Variants in TLL2 observed in about 807,000 individuals in gnomAD.
The protein encoded by TLL2 is tolloid like 2, also known as tolloid-like protein 2.
In TLL2, 106 loss-of-function variants were observed where a neutral mutation model predicts 123.0. That is an observed-to-expected ratio of 0.86 (90% confidence interval 0.74 to 1.01). The LOEUF (loss-of-function observed/expected upper bound fraction) is 1.01, where lower values mean the gene tolerates loss of function less well. Among genes scored for constraint, TLL2 ranks in the 50% least tolerant of loss-of-function variants. TLL2 has a pLI of 0.00. For synonymous variants in TLL2, 494 were observed against 516.8 expected, an observed-to-expected ratio of 0.96 and a Z score of 0.60; for missense variants, 1,332 against 1,336.7, an observed-to-expected ratio of 1.00 and a Z score of 0.06.
At chr10:96,500,601 C>T (rs1170779837) in intron 1 of TLL2, among the ~76,000 whole-genome samples, 1 of 152,164 alleles carries the variant, frequency 6.6e-6, no homozygotes, top group East Asian at 1.9e-4. Flanking sequence ...CGGGACCAGC[C>T]TAGGCAAAAT....
intron 1 of TLL2, among the ~76,000 whole-genome samples, chr10:96,505,416 C>T (rs545990184): frequency 1.3e-5 from 2 of 152,316 alleles, no homozygotes; most frequent in East Asian, 3.9e-4. Flanking sequence ...AGTTTCCTGC[C>T]ACTTGGAAAC....
intron 2 of TLL2, among the ~76,000 whole-genome samples, chr10:96,470,732 A>G (rs7070439): frequency 0.77 from 116,430 of 152,190 alleles, 44,708 homozygotes; most frequent in East Asian, 0.91. Flanking sequence ...GATTAGCTGT[A>G]TGCTCACCAA....
intron 2 of TLL2, among the ~76,000 whole-genome samples, chr10:96,454,875 T>C (rs1013285568): frequency 1.3e-5 from 2 of 152,164 alleles, no homozygotes; most frequent in African/African-American, 4.8e-5. Flanking sequence ...ATTTTATACC[T>C]GAAGCACCAC....
At chr10:96,369,941 GCCT>G in intron 20 of TLL2, 121 bp downstream of exon 20, 1 of 1,339,846 alleles carries the variant, frequency 7.5e-7, no homozygotes, top group Non-Finnish European at 9.9e-7. Context: ...TGCAGAACGT[GCCT>G]CCTCGCCGTT....
intron 9 of TLL2, among the ~76,000 whole-genome samples, chr10:96,405,881 T>A (rs2134067961): frequency 6.6e-6 from 1 of 152,338 alleles, no homozygotes; most frequent in Admixed American, 6.5e-5. Context: ...GACCACCTTC[T>A]GAGTGTCAGC....
chr10:96,388,999 A>G (rs975875239), intron 13 of TLL2, among the ~76,000 whole-genome samples: 2 of 152,208 alleles, frequency 1.3e-5, no homozygotes, highest in Non-Finnish European at 2.9e-5. Flanking sequence ...AGTAATAAGT[A>G]TGCTAAAATA....
chr10:96,490,181 G>A (rs1023854670), intron 1 of TLL2, among the ~76,000 whole-genome samples: 3 of 152,174 alleles, frequency 2.0e-5, no homozygotes, highest in African/African-American at 7.2e-5. Flanking sequence ...ACTAAGTCAG[G>A]AAATGTAAAA....
At chr10:96,378,352 GGAA>G (rs1264601602) in intron 17 of TLL2, among the ~76,000 whole-genome samples, 19 of 152,224 alleles carry the variant, frequency 1.2e-4, no homozygotes, top group Admixed American at 8.5e-4. Context: ...AAGAACAGAA[GGAA>G]GGCTTTTTCC....
intron 20 of TLL2, among the ~76,000 whole-genome samples, chr10:96,369,139 G>A (rs902092610): frequency 1.3e-5 from 2 of 152,222 alleles, no homozygotes; most frequent in Non-Finnish European, 2.9e-5. Context: ...CAGAAAGGAG[G>A]GGGCTGGTGC....
chr10:96,426,414 T>C (rs1846678102), intron 5 of TLL2, among the ~76,000 whole-genome samples: 3 of 152,184 alleles, frequency 2.0e-5, no homozygotes, highest in African/African-American at 7.2e-5. Context: ...AGCAATGCCA[T>C]AACAGTTCCT....
At chr10:96,472,391 G>T (rs1269249997) in intron 2 of TLL2, among the ~76,000 whole-genome samples, 1 of 152,208 alleles carries the variant, frequency 6.6e-6, no homozygotes, top group Non-Finnish European at 1.5e-5. Flanking sequence ...AGGAAGCCAT[G>T]TCTACAAAGC....
At chr10:96,439,551 C>T (rs1846831063) in intron 3 of TLL2, among the ~76,000 whole-genome samples, 1 of 152,154 alleles carries the variant, frequency 6.6e-6, no homozygotes, top group Non-Finnish European at 1.5e-5. Flanking sequence ...TCTGAGGCTT[C>T]CTTCTGTGAG....
At chr10:96,465,602 C>T (rs1313370165) in intron 2 of TLL2, among the ~76,000 whole-genome samples, 1 of 152,222 alleles carries the variant, frequency 6.6e-6, no homozygotes, top group Non-Finnish European at 1.5e-5. Context: ...GCTCTAGGAT[C>T]CTCCTCCTTT....
At chr10:96,407,863 G>A (rs562331442) in intron 9 of TLL2, among the ~76,000 whole-genome samples, 2 of 121,390 alleles carry the variant, frequency 1.6e-5, no homozygotes, top group African/African-American at 7.7e-5. Flanking sequence ...GCATGCATGT[G>A]TGTGCGCACA....
intron 1 of TLL2, among the ~76,000 whole-genome samples, chr10:96,511,826 G>C (rs376310825): frequency 6.6e-6 from 1 of 152,210 alleles, no homozygotes; most frequent in Non-Finnish European, 1.5e-5. Context: ...GTCACACCCA[G>C]CAGGGTCTAG....
intron 13 of TLL2, among the ~76,000 whole-genome samples, chr10:96,388,874 G>T (rs1245558876): frequency 6.6e-6 from 1 of 152,218 alleles, no homozygotes; most frequent in Non-Finnish European, 1.5e-5. Context: ...TAATGGTGAT[G>T]TACTCTTGGG....
At chr10:96,395,841 G>GT (rs781182660) in intron 12 of TLL2, 34 bp downstream of exon 12, 2 of 1,606,598 alleles carry the variant, frequency 1.2e-6, no homozygotes, top group East Asian at 4.5e-5. Context: ...AAAAGTTGCC[G>GT]TTTCCTTGGG....
At chr10:96,441,926 T>C (rs1846854031) in intron 3 of TLL2, among the ~76,000 whole-genome samples, 1 of 152,158 alleles carries the variant, frequency 6.6e-6, no homozygotes, top group Non-Finnish European at 1.5e-5. Flanking sequence ...CAGATTCCAT[T>C]ATTATTTGCT....
chr10:96,446,012 G>A (rs1846894506), intron 3 of TLL2, 79 bp downstream of exon 3: 1 of 1,400,522 alleles, frequency 7.1e-7, no homozygotes, highest in Non-Finnish European at 1.0e-6. Context: ...CTTTAAAATG[G>A]TAAGTCTTAT....
Sources: allele counts gnomAD v4.1 joint callset (sites outside exome capture counted in the v4.1 genomes callset), GRCh38; gene constraint gnomAD v4.1.1; transcripts MANE v1.5; gene names NCBI Gene and HGNC (gene_info 2026-07-23, HGNC 2026-07-21).